FBN1: variants seen among roughly 807,000 people sequenced by gnomAD.
FBN1 encodes the protein fibrillin-1.
Under a neutral mutation model 365.1 loss-of-function variants are expected in FBN1, and 29 were observed. The observed-to-expected ratio is 0.08, with a 90% confidence interval of 0.06 to 0.11. The LOEUF is 0.11. Among genes scored for constraint, FBN1 ranks in the 10% least tolerant of loss-of-function variants. FBN1 has a pLI of 1.00. For missense variants in FBN1, 2,476 were observed against 3,703.2 expected (o/e 0.67, Z 8.60); for synonymous variants, 1,210 against 1,270.5 (o/e 0.95, Z 1.01).
intron 55 of FBN1, among the ~76,000 whole-genome samples, chr15:48,431,441 C>A (rs1281458372): frequency 6.6e-6 from 1 of 151,822 alleles, no homozygotes; most frequent in Non-Finnish European, 1.5e-5. Flanking sequence ...AGCATGATTT[C>A]TAATTCTTGT....
At chr15:48,572,806 G>A (rs559078866) in intron 6 of FBN1, among the ~76,000 whole-genome samples, 3 of 152,128 alleles carry the variant, frequency 2.0e-5, no homozygotes, top group African/African-American at 2.4e-5. Context: ...GCTCTGGTTC[G>A]TTCATTTAAA....
chr15:48,561,864 AT>A, intron 6 of FBN1, among the ~76,000 whole-genome samples: 1 of 152,284 alleles, frequency 6.6e-6, no homozygotes, highest in Non-Finnish European at 1.5e-5. Flanking sequence ...TGGAAGAACT[AT>A]TTAGCACATA....
intron 60 of FBN1, among the ~76,000 whole-genome samples, chr15:48,422,750 A>G (rs2042953075): frequency 6.6e-6 from 1 of 152,186 alleles, no homozygotes; most frequent in African/African-American, 2.4e-5. Flanking sequence ...CTTTGAGCTC[A>G]CGAGTTTGAG....
intron 6 of FBN1, among the ~76,000 whole-genome samples, chr15:48,591,623 T>A (rs2044477396): frequency 6.6e-6 from 1 of 152,240 alleles, no homozygotes; most frequent in African/African-American, 2.4e-5. Context: ...TATGCAAGAA[T>A]CCTTTCTTTT....
chr15:48,472,458 TAAAAAA>T, intron 35 of FBN1, 87 bp downstream of exon 35: 62 of 1,181,432 alleles, frequency 5.2e-5, no homozygotes, highest in East Asian at 1.1e-4. Flanking sequence ...CACCTCAGTT[TAAAAAA>T]AAAAAAAAAA....
rs534811966 is a variant in FBN1, at chr15:48,428,350, G to A, written c.6993C>T (p.Cys2331=). ...TGCGGTGCCAACTGTACTCACCAAG[G>A]CACTCGTCCTGGTTGGGGCTGGCGG... ...GFTASPNQDE[C]LDNREGYCFT... The change falls in exon 57 of 66, where the codon TGC becomes TGT. Residue 2331 remains cysteine, a synonymous_variant. Coordinates refer to ENST00000316623, the MANE Select transcript of FBN1 (RefSeq NM_000138.5). The A allele has an allele frequency of 1.9e-6, 3 of 1,613,964 alleles. No homozygotes were observed. The highest frequency in any genetic ancestry group is 2.5e-6 in the Non-Finnish European group (3 of 1,179,996).
intron 6 of FBN1, among the ~76,000 whole-genome samples, chr15:48,591,701 AG>A (rs2140704825): frequency 6.6e-6 from 1 of 152,052 alleles, no homozygotes; most frequent in East Asian, 1.9e-4. Flanking sequence ...TCCTCAGAAA[AG>A]TCTTTAGAGT....
In FBN1 at chr15:48,452,547, TG is replaced by T. The variant is rs748182794; in HGVS notation, c.5545+14del. ...CTCTTGGGTAGGCATGTCCAGCCTGTGGGGCACTACATACCATTGCACTGTC... is the reference window on the plus strand; with the variant it reads ...CTCTTGGGTAGGCATGTCCAGCCTGTGGGCACTACATACCATTGCACTGTC... On this transcript the variant is annotated intron_variant, in intron 45 of 65. Coordinates refer to ENST00000316623, the MANE Select transcript of FBN1 (RefSeq NM_000138.5). 124 of 1,613,982 alleles carry T rather than the reference TG, an allele frequency of 7.7e-5. No individual in the cohort carries two copies. Among genetic ancestry groups the T allele is most frequent in the African/African-American group, 2.1e-4 (16 of 75,054 alleles).
intron 50 of FBN1, among the ~76,000 whole-genome samples, chr15:48,441,152 A>G (rs573706129): frequency 6.6e-6 from 1 of 152,178 alleles, no homozygotes; most frequent in African/African-American, 2.4e-5. Context: ...TTAAAATTTG[A>G]AAGTCATTGG....
At chr15:48,494,060 G>C (rs1018561390) in intron 23 of FBN1, 144 bp downstream of exon 23, 2 of 700,038 alleles carry the variant, frequency 2.9e-6, no homozygotes, top group African/African-American at 3.5e-5. Context: ...ATTAACAGCT[G>C]TTCCGTTTTG....
At chr15:48,494,149 CACAA>C (rs1359696900) in intron 23 of FBN1, 51 bp downstream of exon 23, 21 of 1,401,632 alleles carry the variant, frequency 1.5e-5, no homozygotes, top group Non-Finnish European at 1.9e-5. Flanking sequence ...TCCGAGTTAA[CACAA>C]ACATTCATTA....
chr15:48,558,058 CA>C (rs2140652428), intron 6 of FBN1, among the ~76,000 whole-genome samples: 1 of 152,284 alleles, frequency 6.6e-6, no homozygotes, highest in South Asian at 2.1e-4. Context: ...TAATAATCAG[CA>C]CTCCAAGTCC....
chr15:48,634,656 T>C (rs1313612986), intron 2 of FBN1, among the ~76,000 whole-genome samples: 1 of 152,030 alleles, frequency 6.6e-6, no homozygotes, highest in African/African-American at 2.4e-5. Flanking sequence ...TTAGACCTTG[T>C]TTACTTTTCT....
rs1399794395 is a variant in FBN1, at chr15:48,503,885, T to C, written c.2015A>G (p.Lys672Arg). ...YGGYKRGQCI[K>R]PLFGAVTKSE... Reference sequence around the variant, plus strand: ...TTTAGTGACAGCACCAAACAAAGGTTTGATACACTGGCCTCTCTTGTATCC... The same window carrying C: ...TTTAGTGACAGCACCAAACAAAGGTCTGATACACTGGCCTCTCTTGTATCC... Residue 672 changes from lysine (K) to arginine (R), a missense_variant, in exon 17 of 66, where the codon AAA (lysine) becomes AGA (arginine). Lys to Arg is a conservative substitution (Grantham distance 26). Transcript: ENST00000316623. 2 of 1,614,220 alleles carry C rather than the reference T, an allele frequency of 1.2e-6. 1 individual carries two copies. Among genetic ancestry groups the C allele is most frequent in the South Asian group, 2.2e-5 (2 of 91,086 alleles).
chr15:48,465,905 T>C, intron 38 of FBN1, 47 bp from the exon 39 acceptor site: 1 of 1,276,346 alleles, frequency 7.8e-7, no homozygotes. Flanking sequence ...TCTAAAGTTT[T>C]TAGAAATAGT....
chr15:48,449,172 C>A (rs112898751), intron 45 of FBN1, among the ~76,000 whole-genome samples: 3 of 151,960 alleles, frequency 2.0e-5, no homozygotes, highest in Admixed American at 2.0e-4. Flanking sequence ...GGATTCAAGC[C>A]GGGAGGATTT....
intron 2 of FBN1, among the ~76,000 whole-genome samples, chr15:48,636,568 G>A (rs997611877): frequency 1.3e-5 from 2 of 152,172 alleles, no homozygotes; most frequent in Middle Eastern, 3.2e-3. Context: ...CATCCCGGGG[G>A]CAGGTTCAGG....
In FBN1 at chr15:48,437,346, C is replaced by G. The variant is rs876660976; in HGVS notation, c.6355G>C (p.Val2119Leu). 1 of 1,613,524 alleles carries G rather than the reference C, an allele frequency of 6.2e-7. No homozygotes were observed. The change falls in exon 52 of 66, where the codon GTG becomes CTG. Residue 2119 changes from valine to leucine, a missense_variant. Val to Leu is a conservative substitution (Grantham distance 32, BLOSUM62 1). Around this residue, in one of 5 missense-constraint regions of FBN1, gnomAD observed 1,780 missense variants for 2,840.8 expected, o/e 0.63. Coordinates refer to ENST00000316623, the MANE Select transcript of FBN1 (RefSeq NM_000138.5). ...CCAACTGCTGAATCATCAGGTCCCACGATGATCCCACTTCCATAAGGACAT... is the reference window on the plus strand; with the variant it reads ...CCAACTGCTGAATCATCAGGTCCCAGGATGATCCCACTTCCATAAGGACAT... ...QICPYGSGII[V>L]GPDDSAVDMD...
At chr15:48,554,609 T>C (rs1417426742) in intron 6 of FBN1, among the ~76,000 whole-genome samples, 2 of 152,184 alleles carry the variant, frequency 1.3e-5, no homozygotes, top group Non-Finnish European at 2.9e-5. Flanking sequence ...TGGGTATCAG[T>C]CATATTTTAC....
Sources: gnomAD v4.1 joint callset for allele counts (sites outside exome capture counted in the v4.1 genomes callset) on GRCh38, gnomAD v4.1.1 for gene constraint, gnomAD v4.1.1 regional missense constraint, MANE v1.5 for transcripts, NCBI Gene and HGNC (gene_info 2026-07-23, HGNC 2026-07-21) for gene names.